Variants in ANKDD1B observed in about 807,000 individuals in gnomAD.
ANKDD1B encodes the protein ankyrin repeat and death domain-containing protein 1B.
ANKDD1B carries 57 observed loss-of-function variants against 59.7 expected under a neutral mutation model. The ratio of observed to expected loss-of-function variants is 0.95; its 90% CI spans 0.77 to 1.19. ANKDD1B has a LOEUF of 1.19. Among genes scored for constraint, ANKDD1B ranks in the 50% most tolerant of loss-of-function variants. The pLI, the probability that ANKDD1B is intolerant of heterozygous loss-of-function variation, is 0.00. For missense variants in ANKDD1B, 602 were observed against 641.9 expected (o/e 0.94, Z 0.67); for synonymous variants, 216 against 239.5 (o/e 0.90, Z 0.91).
intron 7 of ANKDD1B, 63 bp from the exon 8 acceptor site, chr5:75,653,079 C>T (rs1579966902): frequency 8.9e-7 from 1 of 1,126,174 alleles, no homozygotes; most frequent in Non-Finnish European, 1.3e-6. Context: ...ATGTCATAAA[C>T]ACCAGAAAAC....
chr5:75,647,930 T>C (rs1278411064), intron 7 of ANKDD1B, among the ~76,000 whole-genome samples: 1 of 110,026 alleles, frequency 9.1e-6, no homozygotes, highest in East Asian at 2.3e-4. Flanking sequence ...CCATAAAAAA[T>C]GATGAGTTCA....
chr5:75,627,620 C>A (rs1328123147), intron 5 of ANKDD1B, among the ~76,000 whole-genome samples: 2 of 152,198 alleles, frequency 1.3e-5, no homozygotes, highest in African/African-American at 4.8e-5. Flanking sequence ...GAAGTTGAAT[C>A]TTCCTAATTT....
chr5:75,625,650 G>T lies in ANKDD1B; in HGVS notation c.400G>T (p.Gly134Cys). ...TTTTTCTGTCTTCTTGGGGAAGCAC[G>T]GCTTGACAGTAATTCACCTTGCAGC... ...KARVDVADKH[G>C]LTVIHLAAWS... The change falls in exon 4 of 14, where the codon GGC becomes TGC. Residue 134 changes from glycine to cysteine, a missense_variant. Transcript: ENST00000601380. 6.5e-7 allele frequency: 1 copy of T among 1,536,074 alleles called. No individual in the cohort carries two copies. Among genetic ancestry groups the T allele is most frequent in the Non-Finnish European group, 8.7e-7 (1 of 1,146,820 alleles).
At chr5:75,645,121 C>T (rs1286690713) in intron 7 of ANKDD1B, among the ~76,000 whole-genome samples, 2 of 111,046 alleles carry the variant, frequency 1.8e-5, no homozygotes, top group Admixed American at 8.4e-5. Flanking sequence ...AAATTTATAG[C>T]ACTAAATGCC....
chr5:75,611,868 G>A (rs1433526737), intron 1 of ANKDD1B, 41 bp downstream of exon 1: 1 of 1,229,808 alleles, frequency 8.1e-7, no homozygotes, highest in Non-Finnish European at 1.0e-6. Flanking sequence ...AGGCTGCGGG[G>A]CGGGCTGGGT....
Position 75,611,526 on chromosome 5 carries a change from AG to A in ANKDD1B, c.-108del. On this transcript the variant is annotated 5_prime_UTR_variant, in exon 1 of 14. Coordinates refer to ENST00000601380, the MANE Select transcript of ANKDD1B (RefSeq NM_001276713.2). ...CGGCCGGGCTGACCTGCCTGCGTCC[AG>A]CCCCCGCGCCCTGGGCCTGCCTGGG... The A allele has an allele frequency of 1.1e-6, 1 of 923,818 alleles. No homozygotes were observed. Among genetic ancestry groups the A allele is most frequent in the Non-Finnish European group, 1.4e-6 (1 of 708,006 alleles). The allele number at this position is 923,818 out of a possible 1,614,324, so 57.2% of individuals were successfully genotyped here.
chr5:75,657,966 C>T (rs1341799889), intron 9 of ANKDD1B, among the ~76,000 whole-genome samples: 1 of 151,272 alleles, frequency 6.6e-6, no homozygotes, highest in African/African-American at 2.4e-5. Context: ...AATCCCAACA[C>T]TTTGGGTGGC....
At position 75,659,877 on chromosome 5, in the gene ANKDD1B, T is replaced by A. The variant is rs140435855; in HGVS notation, c.1095+496T>A. Among the ~76,000 whole-genome samples the A allele has an allele frequency of 1.1e-3, 164 of 152,296 alleles. 1 individual carries two copies. Among genetic ancestry groups the A allele is most frequent in the Admixed American group, 7.4e-3 (113 of 15,292 alleles). On this transcript the variant is annotated intron_variant, in intron 10 of 13. Transcript: ENST00000601380. ...ACTAGTATACTGTTCTGCATTTAGC[T>A]TTTTTAGCATTATTAAGTGGAGATA...
At chr5:75,626,790 T>C (rs79997580) in intron 5 of ANKDD1B, among the ~76,000 whole-genome samples, 1 of 145,844 alleles carries the variant, frequency 6.9e-6, no homozygotes, top group African/African-American at 2.5e-5. Context: ...TTGTTTTTTT[T>C]TTTTGTTTGT....
At chr5:75,636,400 G>A (rs2112980648) in intron 7 of ANKDD1B, among the ~76,000 whole-genome samples, 1 of 152,312 alleles carries the variant, frequency 6.6e-6, no homozygotes, top group East Asian at 1.9e-4. Context: ...AGTATGGTGT[G>A]TTCCGGGCTG....
chr5:75,612,291 A>G (rs1321899907), intron 1 of ANKDD1B, among the ~76,000 whole-genome samples: 1 of 143,926 alleles, frequency 6.9e-6, no homozygotes, highest in Non-Finnish European at 1.5e-5. Flanking sequence ...GCAGTTCGAA[A>G]GCTGAAAGCG....
At chr5:75,632,350 C>T (rs1774188371) in intron 5 of ANKDD1B, among the ~76,000 whole-genome samples, 1 of 152,172 alleles carries the variant, frequency 6.6e-6, no homozygotes, top group South Asian at 2.1e-4. Context: ...TTTATCTCTT[C>T]CTAGTTTTCA....
rs35120763 is a variant in ANKDD1B at position 75,661,899 on chromosome 5, ATTTTTT to A, written c.1096-1475_1096-1470del. Among the ~76,000 whole-genome samples the A allele has an allele frequency of 3.9e-3, 359 of 92,804 alleles. 1 individual carries two copies. Among genetic ancestry groups the A allele is most frequent in the African/African-American group, 0.014 (331 of 24,380 alleles). 60.9% of individuals were successfully genotyped at this position (92,804 alleles called of 152,430 possible). A position where few individuals can be genotyped will look rare whatever the true frequency, so the allele number is the denominator to read the frequency against. On this transcript the variant is annotated intron_variant, in intron 10 of 13. Coordinates refer to ENST00000601380, the MANE Select transcript of ANKDD1B (RefSeq NM_001276713.2). ...AATATCTTTTCTATTGGCTCCCACAATTTTTTTTTTTTTTTTTTTTTTTTTGCCAAA... is the reference window on the plus strand; with the variant it reads ...AATATCTTTTCTATTGGCTCCCACAATTTTTTTTTTTTTTTTTTTGCCAAA...
chr5:75,623,265 A>C (rs1773903978), intron 3 of ANKDD1B, among the ~76,000 whole-genome samples: 1 of 152,086 alleles, frequency 6.6e-6, no homozygotes, highest in Non-Finnish European at 1.5e-5. Context: ...GGGTTTCTCC[A>C]TGTTGGTCAG....
At chr5:75,615,509 G>C (rs907874038) in intron 1 of ANKDD1B, among the ~76,000 whole-genome samples, 1 of 152,118 alleles carries the variant, frequency 6.6e-6, no homozygotes, top group Admixed American at 6.5e-5. Flanking sequence ...CCACGACAAA[G>C]TACAGCAGAC....
Position 75,669,294 on chromosome 5 carries a change from T to C in ANKDD1B, c.1436T>C (p.Ile479Thr). The change falls in exon 13 of 14, where the codon ATC (isoleucine) becomes ACC (threonine). Residue 479 changes from isoleucine to threonine, a missense_variant. Ile to Thr is a moderately conservative substitution (Grantham distance 89). Transcript: ENST00000601380. ...FREHGHRALL[I>T]WLHGTLMTQG... ...GAACATGGCCACAGGGCTCTGCTTATCTGGCTACACGGGACCCTGATGACT... is the reference window on the plus strand; with the variant it reads ...GAACATGGCCACAGGGCTCTGCTTACCTGGCTACACGGGACCCTGATGACT... 1 of 1,232,162 alleles carries C rather than the reference T, an allele frequency of 8.1e-7. No homozygotes were observed. Among genetic ancestry groups the C allele is most frequent in the Non-Finnish European group, 1.0e-6 (1 of 987,950 alleles). The allele number at this position is 1,232,162 out of a possible 1,614,324, so 76.3% of individuals were successfully genotyped here.
chr5:75,641,061 A>G (rs1020592841), intron 7 of ANKDD1B, among the ~76,000 whole-genome samples: 3 of 152,224 alleles, frequency 2.0e-5, no homozygotes, highest in Admixed American at 2.0e-4. Context: ...ATTGTGTGAA[A>G]GCTCAAGTGG....
At chr5:75,625,555 A>T in intron 3 of ANKDD1B, 92 bp from the exon 4 acceptor site, 1 of 901,284 alleles carries the variant, frequency 1.1e-6, no homozygotes. Context: ...GTTTTCAACA[A>T]TCTAGTATTA....
intron 11 of ANKDD1B, among the ~76,000 whole-genome samples, chr5:75,664,285 C>T (rs570998066): frequency 1.3e-5 from 2 of 152,266 alleles, no homozygotes; most frequent in Admixed American, 6.5e-5. Context: ...AAGCAAAAAG[C>T]ATTTACTCAT....
Sources: gnomAD v4.1 joint callset for allele counts (sites outside exome capture counted in the v4.1 genomes callset) on GRCh38, gnomAD v4.1.1 for gene constraint, MANE v1.5 for transcripts, NCBI Gene and HGNC (gene_info 2026-07-23, HGNC 2026-07-21) for gene names.